STRN3: variants seen among roughly 807,000 people sequenced by gnomAD.
STRN3 encodes the protein striatin 3, also known as striatin-3.
In STRN3, 29 loss-of-function variants were observed where a neutral mutation model predicts 95.6. That is an observed-to-expected ratio of 0.30 (90% CI 0.23 to 0.41). The LOEUF (loss-of-function observed/expected upper bound fraction) is 0.41, where lower values mean the gene tolerates loss of function less well. Among genes scored for constraint, STRN3 ranks in the 10% least tolerant of loss-of-function variants. The probability of loss-of-function intolerance (pLI) is 1.00; values close to 1 mark genes in which losing one functional copy is unlikely to be tolerated. For synonymous variants in STRN3, 331 were observed against 357.6 expected (o/e 0.93, Z 0.84); for missense variants, 890 against 972.1 (o/e 0.92, Z 1.12).
At chr14:30,928,763 G>A (rs1878320753) in intron 8 of STRN3, among the ~76,000 whole-genome samples, 1 of 152,102 alleles carries the variant, frequency 6.6e-6, no homozygotes, top group Non-Finnish European at 1.5e-5. Context: ...CCAGAAAGCA[G>A]AAACTACAGA....
At chr14:30,898,288 T>C (rs1896211806) in intron 16 of STRN3, among the ~76,000 whole-genome samples, 1 of 152,162 alleles carries the variant, frequency 6.6e-6, no homozygotes, top group Admixed American at 6.5e-5. Context: ...TGATGGTAAG[T>C]TTCAATTCAC....
chr14:30,954,442 T>G (rs1318127071), intron 3 of STRN3, among the ~76,000 whole-genome samples: 1 of 152,182 alleles, frequency 6.6e-6, no homozygotes, highest in African/African-American at 2.4e-5. Context: ...CGACATTGTT[T>G]CATTTAATAT....
intron 1 of STRN3, among the ~76,000 whole-genome samples, chr14:31,024,226 G>A (rs1883662507): frequency 6.6e-6 from 1 of 152,148 alleles, no homozygotes; most frequent in Admixed American, 6.5e-5. Context: ...GCATACAACA[G>A]TACAAAGGTC....
At chr14:30,927,140 C>CA (rs967468507) in intron 8 of STRN3, among the ~76,000 whole-genome samples, 3 of 151,950 alleles carry the variant, frequency 2.0e-5, no homozygotes, top group African/African-American at 7.3e-5. Flanking sequence ...CCCATCTCTA[C>CA]AAAAAATTTT....
At chr14:31,024,575 G>C (rs1883692235) in intron 1 of STRN3, among the ~76,000 whole-genome samples, 1 of 152,030 alleles carries the variant, frequency 6.6e-6, no homozygotes, top group Non-Finnish European at 1.5e-5. Flanking sequence ...AAATACCCAA[G>C]TATTTTTTAC....
chr14:30,971,128 T>G (rs930568463), intron 1 of STRN3, among the ~76,000 whole-genome samples: 4 of 152,258 alleles, frequency 2.6e-5, no homozygotes, highest in African/African-American at 9.6e-5. Context: ...TGAAGTGAGC[T>G]TAAGAATTTA....
Position 30,911,034 on chromosome 14 carries a change from T to A in STRN3, c.1720+7A>T. The A allele has an allele frequency of 6.2e-7, 1 of 1,604,516 alleles. No homozygotes were observed. The highest frequency in any genetic ancestry group is 8.5e-7 in the Non-Finnish European group (1 of 1,176,328). ...TAAAAAAAATACATTTTGATCATTT[T>A]ACTTACCATATGTATCATATGGATC... On this transcript the variant is annotated splice_region_variant and intron_variant, in intron 13 of 17. Transcript: ENST00000357479.
chr14:30,978,742 C>G (rs1390214149), intron 1 of STRN3, among the ~76,000 whole-genome samples: 1 of 152,006 alleles, frequency 6.6e-6, no homozygotes, highest in African/African-American at 2.4e-5. Flanking sequence ...ATCAAAGAAG[C>G]AATTATAAAG....
rs532888801 is a variant in STRN3, at chr14:30,995,996, G to T, written c.282+29908C>A. Among the ~76,000 whole-genome samples the T allele has an allele frequency of 1.5e-3, 235 of 152,290 alleles. 1 individual carries two copies. Among genetic ancestry groups the T allele is most frequent in the African/African-American group, 5.1e-3 (212 of 41,562 alleles). On this transcript the variant is annotated intron_variant, in intron 1 of 17. Transcript: ENST00000357479. Reference sequence around the variant, plus strand: ...CCTCTAGCCCTTACGCCCAACTTAGGACAATTCTGAGGGCTATCCCAGCTG... The same window carrying T: ...CCTCTAGCCCTTACGCCCAACTTAGTACAATTCTGAGGGCTATCCCAGCTG...
At chr14:31,002,205 G>A (rs1882492752) in intron 1 of STRN3, among the ~76,000 whole-genome samples, 1 of 148,430 alleles carries the variant, frequency 6.7e-6, no homozygotes, top group Admixed American at 6.7e-5. Context: ...CAGGCGTGGT[G>A]GCTCACACCT....
chr14:30,955,386 GCAAC>G (rs1281472486), intron 3 of STRN3, among the ~76,000 whole-genome samples: 1 of 151,936 alleles, frequency 6.6e-6, no homozygotes, highest in African/African-American at 2.4e-5. Context: ...TACCATAAAT[GCAAC>G]CACACTTTTA....
At chr14:31,019,021 T>C (rs771580357) in intron 1 of STRN3, among the ~76,000 whole-genome samples, 7 of 152,148 alleles carry the variant, frequency 4.6e-5, no homozygotes, top group Non-Finnish European at 1.0e-4. Context: ...CTCTGGAGGC[T>C]GAGGCATGCC....
intron 1 of STRN3, among the ~76,000 whole-genome samples, chr14:31,007,413 T>C (rs954581590): frequency 1.3e-5 from 2 of 152,166 alleles, no homozygotes; most frequent in African/African-American, 4.8e-5. Context: ...TAGCAATACA[T>C]ACCTAGAAAA....
At chr14:30,906,779 C>T in intron 14 of STRN3, 98 bp downstream of exon 14, 1 of 1,272,284 alleles carries the variant, frequency 7.9e-7, no homozygotes, top group South Asian at 1.8e-5. Context: ...CAATATATCT[C>T]TTTGGAACAG....
chr14:30,931,901 G>A (rs542234847), intron 7 of STRN3: 1 of 152,156 alleles, frequency 6.6e-6, no homozygotes, highest in East Asian at 1.9e-4. Context: ...TCTCTAATGT[G>A]AGTAAGGACT....
intron 1 of STRN3, among the ~76,000 whole-genome samples, chr14:30,980,411 T>C (rs1032143024): frequency 6.6e-6 from 1 of 152,148 alleles, no homozygotes; most frequent in African/African-American, 2.4e-5. Flanking sequence ...TCTTTTTTTT[T>C]CTTTTTTTTG....
intron 7 of STRN3, among the ~76,000 whole-genome samples, chr14:30,933,426 T>C (rs182530879): frequency 3.2e-4 from 48 of 151,796 alleles, no homozygotes; most frequent in African/African-American, 1.1e-3. Flanking sequence ...CATCTTCACA[T>C]GTATTTGTAG....
At chr14:30,974,107 T>C (rs1252780450) in intron 1 of STRN3, among the ~76,000 whole-genome samples, 1 of 151,956 alleles carries the variant, frequency 6.6e-6, no homozygotes, top group Non-Finnish European at 1.5e-5. Context: ...TTCCTATCAA[T>C]TAGGAAACAG....
intron 1 of STRN3, among the ~76,000 whole-genome samples, chr14:30,977,396 T>C (rs897540972): frequency 6.6e-6 from 1 of 151,744 alleles, no homozygotes; most frequent in Non-Finnish European, 1.5e-5. Context: ...ATTGAAAAGA[T>C]CATTAAAATG....
Sources: allele counts gnomAD v4.1 joint callset (sites outside exome capture counted in the v4.1 genomes callset), GRCh38; gene constraint gnomAD v4.1.1; transcripts MANE v1.5; gene names NCBI Gene and HGNC (gene_info 2026-07-23, HGNC 2026-07-21).